Variants in ADAMTSL1 observed in about 807,000 individuals in gnomAD.
The protein encoded by ADAMTSL1 is ADAMTS like 1.
In ADAMTSL1, 126 loss-of-function variants were observed where a neutral mutation model predicts 201.8. The observed-to-expected ratio is 0.62, with a 90% CI of 0.54 to 0.72. ADAMTSL1 has a LOEUF of 0.72. Ranked by LOEUF, ADAMTSL1 falls within the 30% of genes least tolerant of loss-of-function variation. ADAMTSL1 has a pLI of 0.00. For missense variants in ADAMTSL1, 2,679 were observed against 2,277.8 expected (o/e 1.18, Z -3.59); for synonymous variants, 1,121 against 903.4 (o/e 1.24, Z -4.32).
chr9:18,858,134 G>A (rs1826981553), intron 23 of ADAMTSL1, among the ~76,000 whole-genome samples: 1 of 151,992 alleles, frequency 6.6e-6, no homozygotes, highest in East Asian at 1.9e-4. Context: ...TCTATACATT[G>A]AGTCATGAGT....
Position 18,743,326 on chromosome 9 carries a change from A to G in ADAMTSL1, c.2007-9972A>G, listed in dbSNP as rs546926578. On this transcript the variant is annotated intron_variant, in intron 15 of 28. Transcript: ENST00000380548. Reference sequence around the variant, plus strand: ...GCTATTTGCCATGTTCTGTAAAGGAAGTAGGTTTAGATGCAAATGGCATGC... The same window carrying G: ...GCTATTTGCCATGTTCTGTAAAGGAGGTAGGTTTAGATGCAAATGGCATGC... Among the ~76,000 whole-genome samples the G allele has an allele frequency of 9.8e-5, 15 of 152,316 alleles. No homozygotes were observed. In the East Asian group the frequency reaches 2.9e-3, roughly 29 times the overall value.
At chr9:18,623,811 C>T (rs1826186123) in intron 5 of ADAMTSL1, among the ~76,000 whole-genome samples, 1 of 152,214 alleles carries the variant, frequency 6.6e-6, no homozygotes, top group Non-Finnish European at 1.5e-5. Flanking sequence ...CAATAGATCC[C>T]TGACTGAGTA....
At chr9:18,764,665 CCA>C (rs1480518567) in intron 16 of ADAMTSL1, among the ~76,000 whole-genome samples, 1 of 152,142 alleles carries the variant, frequency 6.6e-6, no homozygotes, top group African/African-American at 2.4e-5. Flanking sequence ...GGCAAATTGT[CCA>C]CTGTAGCTAA....
chr9:18,379,227 G>A (rs191480361), intron 2 of ADAMTSL1, among the ~76,000 whole-genome samples: 54 of 152,254 alleles, frequency 3.5e-4, no homozygotes, highest in African/African-American at 1.3e-3. Context: ...CATGCTAAAC[G>A]CCACATCATC....
rs188243002 is a variant in ADAMTSL1 at position 17,947,011 on chromosome 9, A to T, written c.87+40089A>T. ...CTACAAGTTTTCTAAAATCCAACTG[A>T]TGATAAAGGAGCAAAGATATAAAGT... On this transcript the variant is annotated intron_variant, in intron 1 of 29. Transcript: ENST00000680146. Among the ~76,000 whole-genome samples the T allele has an allele frequency of 2.5e-4, 38 of 152,186 alleles. 1 individual carries two copies. The highest frequency in any genetic ancestry group is 5.2e-4 in the Admixed American group (8 of 15,262).
intron 26 of ADAMTSL1, among the ~76,000 whole-genome samples, chr9:18,904,617 G>C (rs1830190131): frequency 1.2e-5 from 1 of 80,810 alleles, no homozygotes; most frequent in South Asian, 4.8e-4. Flanking sequence ...CTGGGCAACA[G>C]AAAGAGACCC....
At chr9:18,860,687 A>C (rs1827158944) in intron 23 of ADAMTSL1, among the ~76,000 whole-genome samples, 1 of 152,152 alleles carries the variant, frequency 6.6e-6, no homozygotes. Flanking sequence ...TCATAATTCA[A>C]AAATAAATTT....
intron 2 of ADAMTSL1, among the ~76,000 whole-genome samples, chr9:18,303,488 C>G (rs1188879957): frequency 2.6e-5 from 4 of 152,196 alleles, no homozygotes; most frequent in African/African-American, 4.8e-5. Flanking sequence ...GTTCACTCCA[C>G]TCAGCTCAGC....
At chr9:18,650,710 T>A (rs905404204) in intron 7 of ADAMTSL1, among the ~76,000 whole-genome samples, 1 of 152,196 alleles carries the variant, frequency 6.6e-6, no homozygotes, top group Non-Finnish European at 1.5e-5. Context: ...AAAACTAGAC[T>A]GAATTCTCAT....
intron 1 of ADAMTSL1, among the ~76,000 whole-genome samples, chr9:18,039,648 T>G (rs1821352853): frequency 6.6e-6 from 1 of 152,194 alleles, no homozygotes; most frequent in Non-Finnish European, 1.5e-5. Flanking sequence ...TTAGAAAATT[T>G]AGACTGGGAA....
chr9:18,254,884 T>A (rs1210773346), intron 2 of ADAMTSL1, among the ~76,000 whole-genome samples: 1 of 152,148 alleles, frequency 6.6e-6, no homozygotes, highest in Non-Finnish European at 1.5e-5. Context: ...TTTATGACAT[T>A]ATCTAGAGCA....
intron 5 of ADAMTSL1, among the ~76,000 whole-genome samples, chr9:18,635,142 TGA>T (rs968515929): frequency 6.6e-6 from 1 of 151,644 alleles, no homozygotes; most frequent in African/African-American, 2.4e-5. Flanking sequence ...ATAATTTAGG[TGA>T]AATTTAACCT....
At chr9:18,322,960 A>C (rs924019421) in intron 2 of ADAMTSL1, among the ~76,000 whole-genome samples, 2 of 152,214 alleles carry the variant, frequency 1.3e-5, no homozygotes, top group Non-Finnish European at 2.9e-5. Flanking sequence ...TCTATGAAGC[A>C]TTTAAGGAAG....
intron 1 of ADAMTSL1, among the ~76,000 whole-genome samples, chr9:18,474,582 G>A (rs376776774): frequency 1.3e-5 from 2 of 152,162 alleles, no homozygotes; most frequent in African/African-American, 4.8e-5. Flanking sequence ...TTTGGGAGCT[G>A]AGGACTGTAT....
At chr9:18,435,198 G>A (rs1164382833) in intron 2 of ADAMTSL1, among the ~76,000 whole-genome samples, 1 of 152,168 alleles carries the variant, frequency 6.6e-6, no homozygotes, top group Non-Finnish European at 1.5e-5. Context: ...AGTGCCTATT[G>A]TACAAGGACT....
chr9:18,358,049 C>T (rs1370332504), intron 2 of ADAMTSL1, among the ~76,000 whole-genome samples: 1 of 152,158 alleles, frequency 6.6e-6, no homozygotes, highest in African/African-American at 2.4e-5. Flanking sequence ...CCAAATAGAC[C>T]TAAATAGTTC....
chr9:18,815,185 G>T (rs1441111126), intron 20 of ADAMTSL1, among the ~76,000 whole-genome samples: 2 of 152,106 alleles, frequency 1.3e-5, no homozygotes, highest in Non-Finnish European at 2.9e-5. Flanking sequence ...ACTACCATAT[G>T]ATCCAGCAAT....
chr9:18,618,962 A>G (rs1181686512), intron 4 of ADAMTSL1, among the ~76,000 whole-genome samples: 1 of 152,208 alleles, frequency 6.6e-6, no homozygotes, highest in East Asian at 1.9e-4. Flanking sequence ...TGCCACATGG[A>G]GGTATGAAGA....
intron 15 of ADAMTSL1, among the ~76,000 whole-genome samples, chr9:18,725,874 T>G (rs1817858242): frequency 6.6e-6 from 1 of 152,248 alleles, no homozygotes; most frequent in African/African-American, 2.4e-5. Flanking sequence ...AATGGGATTT[T>G]ATTTTGTATA....
Sources: gnomAD v4.1 joint callset for allele counts (sites outside exome capture counted in the v4.1 genomes callset) on GRCh38, gnomAD v4.1.1 for gene constraint, MANE v1.5 for transcripts, NCBI Gene and HGNC (gene_info 2026-07-23, HGNC 2026-07-21) for gene names.